The following EXOG variants were observed in gnomAD, a reference collection of about 807,000 sequenced individuals.
The protein encoded by EXOG is exo/endonuclease G, also known as nuclease EXOG, mitochondrial.
EXOG carries 27 observed loss-of-function variants against 25.8 expected under a neutral mutation model. The ratio of observed to expected loss-of-function variants is 1.05; its 90% CI spans 0.77 to 1.45. The LOEUF is 1.45. Ranked by LOEUF, EXOG falls within the 40% of genes most tolerant of loss-of-function variation. The probability of loss-of-function intolerance (pLI) is 0.00; values close to 1 mark genes in which losing one functional copy is unlikely to be tolerated. For missense variants in EXOG, 458 were observed against 450.5 expected (o/e 1.02, Z -0.15); for synonymous variants, 133 against 167.0 (o/e 0.80, Z 1.57).
chr3:38,505,477 T>A lies in EXOG; in HGVS notation c.531-1377T>A, dbSNP rs538669400. 3.3e-5 allele frequency: 5 copies of A among 152,286 alleles called. No homozygotes were observed. In the East Asian group the frequency reaches 5.8e-4, roughly 18 times the overall value. The allele number at this position is 152,286 out of a possible 1,614,324, so 9.4% of individuals were successfully genotyped here. A position where few individuals can be genotyped will look rare whatever the true frequency, so the allele number is the denominator to read the frequency against. ...CCCTATTAAAAATAATTTAAAAAAA[T>A]TTTTAAGGCCAGTCAAGTGAAGCAG... On this transcript the variant is annotated intron_variant, in intron 4 of 5. Coordinates refer to ENST00000287675, the MANE Select transcript of EXOG (RefSeq NM_005107.4).
At chr3:38,517,644 G>A (rs1575664662) in intron 5 of EXOG, among the ~76,000 whole-genome samples, 1 of 152,210 alleles carries the variant, frequency 6.6e-6, no homozygotes, top group African/African-American at 2.4e-5. Context: ...GGATTCCATT[G>A]CCTTTAGTGG....
intron 3 of EXOG, among the ~76,000 whole-genome samples, chr3:38,502,994 G>T (rs2060093991): frequency 6.6e-6 from 1 of 152,120 alleles, no homozygotes; most frequent in Non-Finnish European, 1.5e-5. Context: ...AACTCTCAGG[G>T]ATGAGACCCA....
At chr3:38,508,674 A>G (rs1428817034) in intron 5 of EXOG, among the ~76,000 whole-genome samples, 3 of 151,732 alleles carry the variant, frequency 2.0e-5, no homozygotes, top group Non-Finnish European at 4.4e-5. Context: ...TAAGTCTGTG[A>G]TAAAATTTAA....
At chr3:38,506,020 T>TA (rs1389107088) in intron 4 of EXOG, among the ~76,000 whole-genome samples, 1 of 151,286 alleles carries the variant, frequency 6.6e-6, no homozygotes, top group South Asian at 2.1e-4. Context: ...AAGTACATAT[T>TA]ACAACTACTT....
In EXOG at chr3:38,501,341, G is replaced by C. The variant is rs777538199; in HGVS notation, c.314-14G>C. ...TCTACTGATAACATATCCATTTTGT[G>C]TGTTTTTCTTCAGGTGATGCAGACA... is the stretch of plus-strand genomic sequence containing the variant. On this transcript the variant is annotated splice_polypyrimidine_tract_variant and intron_variant, in intron 2 of 5. Transcript: ENST00000287675. 2 of 1,611,556 alleles carry C rather than the reference G, an allele frequency of 1.2e-6. No individual in the cohort carries two copies. The highest frequency in any genetic ancestry group is 2.2e-5 in the East Asian group (1 of 44,872).
intron 2 of EXOG, among the ~76,000 whole-genome samples, chr3:38,498,269 A>G (rs776505651): frequency 3.3e-5 from 5 of 152,178 alleles, no homozygotes; most frequent in Admixed American, 6.5e-5. Context: ...GAACAGTAAA[A>G]AGTTTGATGA....
chr3:38,507,108 T>G (rs1229353044), intron 5 of EXOG, 140 bp downstream of exon 5: 2 of 501,980 alleles, frequency 4.0e-6, no homozygotes, highest in Admixed American at 7.3e-5. Context: ...CAACAATATT[T>G]ATTGAACACC....
chr3:38,496,652 C>T, intron 1 of EXOG, 122 bp downstream of exon 1: 2 of 1,469,988 alleles, frequency 1.4e-6, no homozygotes, highest in Non-Finnish European at 1.8e-6. Flanking sequence ...CTAGCCTGGC[C>T]CTTGGTTTCT....
At position 38,496,375 on chromosome 3, in the gene EXOG, T is replaced by G. The variant is rs767742733; in HGVS notation, c.8T>G (p.Ile3Ser). The change falls in exon 1 of 6, where the codon ATC becomes AGC. Residue 3 changes from isoleucine to serine, a missense_variant. Around this residue, in one of 3 missense-constraint regions of EXOG, gnomAD observed 275 missense variants for 230.5 expected, o/e 1.19. Transcript: ENST00000287675. ...GCCGGTACCTCGGGCAAGATGGCTA[T>G]CAAGAGTATCGCTTCCCGCCTCCGG... MA[I>S]KSIASRLRGS... 7.4e-6 allele frequency: 12 copies of G among 1,613,318 alleles called. No individual in the cohort carries two copies. The highest frequency in any genetic ancestry group is 1.7e-4 in the Middle Eastern group (1 of 6,056).
Position 38,524,778 on chromosome 3 carries a change from T to C in EXOG, c.*416T>C, listed in dbSNP as rs978776127. 138 of 989,660 alleles carry C rather than the reference T, an allele frequency of 1.4e-4. No individual in the cohort carries two copies. Among genetic ancestry groups the C allele is most frequent in the East Asian group, 1.1e-4 (1 of 8,944 alleles). 61.3% of individuals were successfully genotyped at this position (989,660 alleles called of 1,614,324 possible). A position where few individuals can be genotyped will look rare whatever the true frequency, so the allele number is the denominator to read the frequency against. On this transcript the variant is annotated 3_prime_UTR_variant, in exon 6 of 6. Transcript: ENST00000287675. Reference sequence around the variant, plus strand: ...GACACCTGCAGATGGAGGGCTGATCTTGTGTCAAGTTAACAGGAAGACTGC... The same window carrying C: ...GACACCTGCAGATGGAGGGCTGATCCTGTGTCAAGTTAACAGGAAGACTGC...
Position 38,524,376 on chromosome 3 carries a change from ATG to A in EXOG, c.*18_*19del, listed in dbSNP as rs756970344. On this transcript the variant is annotated 3_prime_UTR_variant, in exon 6 of 6. Transcript: ENST00000287675. ...AAGCCATCCTAGTTTTTATCTCAAG[ATG>A]TGTCATACCGTCTGTAATGAAGCAG... is the stretch of plus-strand genomic sequence containing the variant. 65 of 1,589,584 alleles carry A rather than the reference ATG, an allele frequency of 4.1e-5. No individual in the cohort carries two copies. The highest frequency in any genetic ancestry group is 5.3e-5 in the Non-Finnish European group (62 of 1,170,346).
At chr3:38,505,197 G>A (rs2060166306) in intron 4 of EXOG, among the ~76,000 whole-genome samples, 1 of 151,752 alleles carries the variant, frequency 6.6e-6, no homozygotes, top group Non-Finnish European at 1.5e-5. Flanking sequence ...GTTTGAACCA[G>A]GATTCAAATA....
At chr3:38,497,800 C>G (rs371988526) in intron 2 of EXOG, 22 bp downstream of exon 2, 2 of 1,581,446 alleles carry the variant, frequency 1.3e-6, no homozygotes, top group Non-Finnish European at 1.7e-6. Flanking sequence ...GATAAAAAAA[C>G]TGAAGTAACA....
chr3:38,525,695 C>A lies in EXOG; in HGVS notation c.*1333C>A, dbSNP rs1195578178. The A allele has an allele frequency of 6.4e-6, 6 of 933,410 alleles. No individual in the cohort carries two copies. In the South Asian group the frequency reaches 3.0e-4, roughly 46 times the overall value. The allele number at this position is 933,410 out of a possible 1,614,324, so 57.8% of individuals were successfully genotyped here. ...TGGTGGCTCAGGCCTATAATCTCAG[C>A]ACTTTGGGAAATCGAGGTGGGTGGA... On this transcript the variant is annotated 3_prime_UTR_variant, in exon 6 of 6. Coordinates refer to ENST00000287675, the MANE Select transcript of EXOG (RefSeq NM_005107.4).
In EXOG at chr3:38,506,941, C is replaced by T. The variant is rs762879012; in HGVS notation, c.618C>T (p.Gly206=). ...CTTTGACCTTACCTCAGACTAGAGG[C>T]GATGGAAAGAAAATAGTTAGTTACC... The part of the protein sequence containing the change: ...SGPLTLPQTR[G]DGKKIVSYQV... The change falls in exon 5 of 6, where the codon GGC becomes GGT. Residue 206 remains glycine (G), a synonymous_variant. Transcript: ENST00000287675. The T allele has an allele frequency of 7.0e-6, 11 of 1,571,244 alleles. No individual in the cohort carries two copies. Among genetic ancestry groups the T allele is most frequent in the South Asian group, 4.4e-5 (4 of 90,124 alleles).
intron 4 of EXOG, among the ~76,000 whole-genome samples, chr3:38,504,587 C>T (rs2060145505): frequency 6.6e-6 from 1 of 152,056 alleles, no homozygotes; most frequent in Non-Finnish European, 1.5e-5. Flanking sequence ...AGGCACACGC[C>T]ACCACACCCG....
chr3:38,496,960 A>G (rs1320773858), intron 1 of EXOG: 1 of 1,106,760 alleles, frequency 9.0e-7, no homozygotes, highest in South Asian at 2.0e-5. Flanking sequence ...AAATTAATAC[A>G]TAATTTTAGT....
At position 38,501,356 on chromosome 3, in the gene EXOG, T is replaced by C. The variant is rs749069435; in HGVS notation, c.315T>C (p.Gly105=). ...LEHISKSKIM[G]DADRKHCKFK... The stretch of plus-strand genomic sequence containing the variant: ...TCCATTTTGTGTGTTTTTCTTCAGG[T>C]GATGCAGACAGAAAGCATTGTAAAT... Residue 105 remains glycine (G), a splice_region_variant and synonymous_variant, in exon 3 of 6, where the codon GGT becomes GGC. Transcript: ENST00000287675. 1 of 1,613,242 alleles carries C rather than the reference T, an allele frequency of 6.2e-7. No homozygotes were observed. The highest frequency in any genetic ancestry group is 8.5e-7 in the Non-Finnish European group (1 of 1,179,264).
intron 1 of EXOG, chr3:38,497,390 G>GTAGC (rs1575602531): frequency 7.9e-7 from 1 of 1,264,924 alleles, no homozygotes; most frequent in African/African-American, 1.6e-5. Context: ...AGTTAATGCA[G>GTAGC]TAGCTGCATT....
Sources: gnomAD v4.1 joint callset for allele counts (sites outside exome capture counted in the v4.1 genomes callset) on GRCh38, gnomAD v4.1.1 for gene constraint, gnomAD v4.1.1 regional missense constraint, MANE v1.5 for transcripts, NCBI Gene and HGNC (gene_info 2026-07-23, HGNC 2026-07-21) for gene names.